Variants in MACROD2 observed in about 807,000 individuals in gnomAD.
The protein encoded by MACROD2 is mono-ADP ribosylhydrolase 2, also known as ADP-ribose glycohydrolase MACROD2.
In MACROD2, 36 loss-of-function variants were observed where a neutral mutation model predicts 70.4. The ratio of observed to expected loss-of-function variants is 0.51; its 90% CI spans 0.39 to 0.68. The LOEUF is 0.68. MACROD2 is among the 30% of genes least tolerant of loss of function. The pLI, the probability that MACROD2 is intolerant of heterozygous loss-of-function variation, is 0.00. For missense variants in MACROD2, 496 were observed against 538.4 expected (o/e 0.92, Z 0.78); for synonymous variants, 172 against 178.8 (o/e 0.96, Z 0.30).
At chr20:15,401,581 T>C (rs1267690944) in intron 6 of MACROD2, among the ~76,000 whole-genome samples, 2 of 152,000 alleles carry the variant, frequency 1.3e-5, no homozygotes, top group African/African-American at 4.9e-5. Flanking sequence ...CAAACCTCTC[T>C]GTGTTTTTCA....
At chr20:14,193,463 A>G (rs987190797) in intron 3 of MACROD2, among the ~76,000 whole-genome samples, 1 of 152,192 alleles carries the variant, frequency 6.6e-6, no homozygotes, top group Non-Finnish European at 1.5e-5. Flanking sequence ...AGCTCAAAAG[A>G]AGAGACTTTA....
At chr20:15,129,921 G>A (rs578098984) in intron 5 of MACROD2, among the ~76,000 whole-genome samples, 116 of 152,200 alleles carry the variant, frequency 7.6e-4, no homozygotes, top group Non-Finnish European at 1.3e-3. Flanking sequence ...TCTGGCGTGT[G>A]AAGAGGAACA....
At chr20:15,586,662 C>A (rs1277027855) in intron 8 of MACROD2, among the ~76,000 whole-genome samples, 1 of 152,012 alleles carries the variant, frequency 6.6e-6, no homozygotes. Context: ...TGGAGGTATT[C>A]TTTATGAATA....
At chr20:14,427,705 T>C (rs951466216) in intron 3 of MACROD2, among the ~76,000 whole-genome samples, 1 of 152,134 alleles carries the variant, frequency 6.6e-6, no homozygotes, top group Non-Finnish European at 1.5e-5. Flanking sequence ...TTTTTTAATG[T>C]GCAAAGGTCT....
At chr20:15,496,607 T>A (rs750088989) in intron 7 of MACROD2, among the ~76,000 whole-genome samples, 2 of 152,200 alleles carry the variant, frequency 1.3e-5, no homozygotes, top group Non-Finnish European at 2.9e-5. Flanking sequence ...ATTGCAGTAT[T>A]TATTCGTTTT....
At chr20:15,601,024 T>C (rs890442084) in intron 8 of MACROD2, among the ~76,000 whole-genome samples, 9 of 152,164 alleles carry the variant, frequency 5.9e-5, no homozygotes, top group African/African-American at 2.2e-4. Context: ...CAACCCCTCA[T>C]TAATAAGAAT....
chr20:14,013,433 C>T (rs1304807859), intron 2 of MACROD2, among the ~76,000 whole-genome samples: 7 of 151,694 alleles, frequency 4.6e-5, no homozygotes, highest in African/African-American at 1.2e-4. Flanking sequence ...CCACCATGCC[C>T]GGCTAATTTT....
intron 5 of MACROD2, among the ~76,000 whole-genome samples, chr20:15,176,387 C>T (rs1418963841): frequency 1.3e-5 from 2 of 152,168 alleles, no homozygotes; most frequent in Non-Finnish European, 2.9e-5. Flanking sequence ...AGAGTGAGAA[C>T]TTATGGTGCT....
At chr20:14,906,238 A>G (rs540274227) in intron 5 of MACROD2, among the ~76,000 whole-genome samples, 1 of 152,326 alleles carries the variant, frequency 6.6e-6, no homozygotes, top group East Asian at 1.9e-4. Flanking sequence ...TCATGCCTAT[A>G]ATCCTAGCAC....
chr20:14,697,166 C>T lies in MACROD2; in HGVS notation c.418+12207C>T, dbSNP rs183123631. On this transcript the variant is annotated intron_variant, in intron 5 of 17. Coordinates refer to ENST00000684519, the MANE Select transcript of MACROD2 (RefSeq NM_001351661.2). ...CCGTTGGCTGGCAGAGAAGAGCTAA[C>T]TGCTGTGCTGGCTAAGCTCATGGAA... Among the ~76,000 whole-genome samples the T allele has an allele frequency of 2.0e-5, 3 of 152,306 alleles. No individual in the cohort carries two copies. The East Asian group carries it at 5.8e-4, about 29-fold the overall frequency.
At chr20:14,732,196 A>G (rs909922956) in intron 5 of MACROD2, among the ~76,000 whole-genome samples, 1 of 152,246 alleles carries the variant, frequency 6.6e-6, no homozygotes, top group African/African-American at 2.4e-5. Context: ...ATTTTGGAGG[A>G]GACTGTGGCT....
At chr20:15,520,380 C>A (rs575990200) in intron 8 of MACROD2, among the ~76,000 whole-genome samples, 1 of 152,326 alleles carries the variant, frequency 6.6e-6, no homozygotes, top group African/African-American at 2.4e-5. Flanking sequence ...TGGAACCACA[C>A]TTTCTGGAGC....
At chr20:14,298,110 A>C (rs1192138121) in intron 3 of MACROD2, among the ~76,000 whole-genome samples, 1 of 152,054 alleles carries the variant, frequency 6.6e-6, no homozygotes, top group East Asian at 1.9e-4. Flanking sequence ...TGAGAAAGAA[A>C]GATTATTTTC....
chr20:14,928,186 C>T (rs1164108517), intron 5 of MACROD2, among the ~76,000 whole-genome samples: 1 of 152,172 alleles, frequency 6.6e-6, no homozygotes, highest in African/African-American at 2.4e-5. Flanking sequence ...TCCTTTTATG[C>T]CCAACACCCC....
At chr20:15,703,100 T>C (rs541196998) in intron 8 of MACROD2, among the ~76,000 whole-genome samples, 1 of 152,344 alleles carries the variant, frequency 6.6e-6, no homozygotes, top group African/African-American at 2.4e-5. Flanking sequence ...ATGCAGAGCA[T>C]GAAACTGGAC....
At chr20:16,024,485 A>G (rs1444169874) in intron 15 of MACROD2, among the ~76,000 whole-genome samples, 1 of 150,970 alleles carries the variant, frequency 6.6e-6, no homozygotes, top group Non-Finnish European at 1.5e-5. Context: ...CACCCAACCC[A>G]TGCAGCCATG....
intron 5 of MACROD2, among the ~76,000 whole-genome samples, chr20:15,091,314 A>G (rs2075791086): frequency 6.6e-6 from 1 of 152,050 alleles, no homozygotes; most frequent in Non-Finnish European, 1.5e-5. Flanking sequence ...GGATATGTAT[A>G]CAAAAAGGTT....
chr20:14,361,356 T>C (rs1222540536), intron 3 of MACROD2, among the ~76,000 whole-genome samples: 1 of 152,204 alleles, frequency 6.6e-6, no homozygotes, highest in East Asian at 1.9e-4. Flanking sequence ...GAAACTGACA[T>C]TGTGACTCCT....
At position 14,116,076 on chromosome 20, in the gene MACROD2, A is replaced by G. The variant is rs138753179; in HGVS notation, c.271+30348A>G. On this transcript the variant is annotated intron_variant, in intron 3 of 17. Coordinates refer to ENST00000684519, the MANE Select transcript of MACROD2 (RefSeq NM_001351661.2). The stretch of plus-strand genomic sequence containing the variant: ...GCTGATTGGTGAATCTTGAGAAGAC[A>G]GTTACTTGACAGCAATGATAGATTT... Among the ~76,000 whole-genome samples, 128 of 152,302 alleles carry G rather than the reference A, an allele frequency of 8.4e-4. 2 individuals are homozygous for G. The East Asian group carries it at 0.023, about 27-fold the overall frequency.
Sources: allele counts gnomAD v4.1 joint callset (sites outside exome capture counted in the v4.1 genomes callset), GRCh38; gene constraint gnomAD v4.1.1; transcripts MANE v1.5; gene names NCBI Gene and HGNC (gene_info 2026-07-23, HGNC 2026-07-21).